UTRN: variants seen among roughly 807,000 people sequenced by gnomAD.
UTRN encodes the protein utrophin.
A neutral mutation model predicts 463.9 loss-of-function variants in UTRN; 283 were observed. The observed-to-expected ratio is 0.61, with a 90% CI of 0.55 to 0.67. The LOEUF (loss-of-function observed/expected upper bound fraction) is 0.67, where lower values mean the gene tolerates loss of function less well. Among genes scored for constraint, UTRN ranks in the 30% least tolerant of loss-of-function variants. The probability of loss-of-function intolerance (pLI) is 0.00; values close to 1 mark genes in which losing one functional copy is unlikely to be tolerated. For synonymous variants in UTRN, 1,442 were observed against 1,431.5 expected (o/e 1.01, Z -0.17); for missense variants, 3,922 against 4,084.3 (o/e 0.96, Z 1.08).
intron 66 of UTRN, among the ~76,000 whole-genome samples, chr6:144,826,198 C>A (rs1051919389): frequency 7.4e-6 from 1 of 135,480 alleles, no homozygotes; most frequent in East Asian, 2.3e-4. Flanking sequence ...ATGCCTGGTT[C>A]TGAAAATAGA....
intron 13 of UTRN, among the ~76,000 whole-genome samples, chr6:144,440,944 C>A (rs1787095137): frequency 6.6e-6 from 1 of 151,996 alleles, no homozygotes; most frequent in African/African-American, 2.4e-5. Flanking sequence ...TTTTTAAAAC[C>A]ATCAGACCTC....
At chr6:144,836,688 C>T (rs1040198354) in intron 71 of UTRN, 147 bp downstream of exon 71, 13 of 1,275,006 alleles carry the variant, frequency 1.0e-5, no homozygotes, top group Non-Finnish European at 1.4e-5. Context: ...TAGAAATTTC[C>T]TTTTACATGT....
At chr6:144,392,636 T>G (rs1251102315) in intron 2 of UTRN, among the ~76,000 whole-genome samples, 1 of 152,172 alleles carries the variant, frequency 6.6e-6, no homozygotes, top group African/African-American at 2.4e-5. Flanking sequence ...GCCTTTCTAA[T>G]TAAATTATAG....
chr6:144,436,903 CTATT>C (rs1786610257), intron 10 of UTRN, among the ~76,000 whole-genome samples: 2 of 137,628 alleles, frequency 1.5e-5, no homozygotes, highest in South Asian at 2.2e-4. Flanking sequence ...TATATATAAT[CTATT>C]TATATATTAT....
intron 54 of UTRN, among the ~76,000 whole-genome samples, chr6:144,739,608 C>T (rs1789825466): frequency 6.6e-6 from 1 of 152,164 alleles, no homozygotes; most frequent in Non-Finnish European, 1.5e-5. Context: ...AAGGGGAAGG[C>T]ATTGGCCTCC....
At chr6:144,557,128 T>G in intron 49 of UTRN, 29 bp from the exon 50 acceptor site, 1 of 1,604,562 alleles carries the variant, frequency 6.2e-7, no homozygotes, top group Non-Finnish European at 8.5e-7. Flanking sequence ...TGACCAAGTC[T>G]AACAAACAGA....
chr6:144,403,112 C>T lies in UTRN; in HGVS notation c.80-11C>T. ...ATACTTTTTCCTTCTCTTTCTTTTT[C>T]CATTCCACAGATGAACACAATGACG... On this transcript the variant is annotated splice_polypyrimidine_tract_variant and intron_variant, in intron 2 of 74. Transcript: ENST00000367545. 6.2e-7 allele frequency: 1 copy of T among 1,612,082 alleles called. No homozygotes were observed. Among genetic ancestry groups the T allele is most frequent in the African/African-American group, 1.3e-5 (1 of 74,988 alleles).
At chr6:144,653,455 A>G (rs1007153170) in intron 51 of UTRN, among the ~76,000 whole-genome samples, 4 of 151,964 alleles carry the variant, frequency 2.6e-5, no homozygotes, top group South Asian at 4.1e-4. Flanking sequence ...ATGTGGTGGC[A>G]GGCGCCTGTA....
chr6:144,535,558 T>C lies in UTRN; in HGVS notation c.6234-2024T>C, dbSNP rs551236330. On this transcript the variant is annotated intron_variant, in intron 43 of 74. Coordinates refer to ENST00000367545, the MANE Select transcript of UTRN (RefSeq NM_007124.3). Reference sequence around the variant, plus strand: ...TTTTGGAAGTGAAAAGAATAATGAATCTCTTCCCCAACAGCTTATATTTTG... The same window carrying C: ...TTTTGGAAGTGAAAAGAATAATGAACCTCTTCCCCAACAGCTTATATTTTG... 2.1e-3 allele frequency among the ~76,000 whole-genome samples: 327 copies of C among 152,310 alleles called. 1 individual carries two copies. Among genetic ancestry groups the C allele is most frequent in the African/African-American group, 7.4e-3 (308 of 41,548 alleles).
chr6:144,816,657 C>T (rs202136544), intron 65 of UTRN, among the ~76,000 whole-genome samples: 2 of 150,554 alleles, frequency 1.3e-5, no homozygotes, highest in African/African-American at 2.4e-5. Flanking sequence ...TTATACCAAA[C>T]GTGTTATATA....
intron 39 of UTRN, among the ~76,000 whole-genome samples, chr6:144,520,403 T>C (rs1009971811): frequency 1.3e-5 from 2 of 152,250 alleles, no homozygotes; most frequent in African/African-American, 2.4e-5. Flanking sequence ...CATTCTTTTA[T>C]ATTTGCTTAA....
intron 2 of UTRN, among the ~76,000 whole-genome samples, chr6:144,317,103 A>T (rs908887995): frequency 1.3e-5 from 2 of 152,244 alleles, no homozygotes; most frequent in Admixed American, 6.5e-5. Context: ...TAAGATTGAC[A>T]TAATTCATAA....
rs770427508 is a variant in UTRN, at chr6:144,557,160, C to T, written c.7138C>T (p.Leu2380=). ...CAGACCTGCACTTGCACCTCAGATA[C>T]TGCTTCAAGAACTGGGTCCTGGAGA... ...LTKQISDNQI[L]LQELGPGDGI... The change falls in exon 50 of 75, where the codon CTG becomes TTG. Residue 2380 remains leucine (L), a synonymous_variant. Transcript: ENST00000367545. 1 of 1,613,358 alleles carries T rather than the reference C, an allele frequency of 6.2e-7. No individual in the cohort carries two copies. The highest frequency in any genetic ancestry group is 2.2e-5 in the East Asian group (1 of 44,840).
At chr6:144,746,926 A>T (rs938387659) in intron 54 of UTRN, among the ~76,000 whole-genome samples, 1 of 152,250 alleles carries the variant, frequency 6.6e-6, no homozygotes, top group African/African-American at 2.4e-5. Flanking sequence ...CACAACTTGT[A>T]GTTCTGCGGT....
At chr6:144,510,852 A>T in intron 34 of UTRN, 92 bp from the exon 35 acceptor site, 1 of 1,143,284 alleles carries the variant, frequency 8.7e-7, no homozygotes, top group Non-Finnish European at 1.2e-6. Context: ...TACTTTGTAT[A>T]TGTGGCAGAA....
At chr6:144,302,956 G>A (rs150472534) in intron 2 of UTRN, among the ~76,000 whole-genome samples, 31 of 152,298 alleles carry the variant, frequency 2.0e-4, no homozygotes, top group Non-Finnish European at 1.0e-4. Context: ...GTCAGATTTC[G>A]AAAGCCCTTT....
chr6:144,751,547 C>T (rs745947955), intron 55 of UTRN, among the ~76,000 whole-genome samples: 35 of 152,234 alleles, frequency 2.3e-4, no homozygotes, highest in Middle Eastern at 3.4e-3. Flanking sequence ...ATACTCAAGT[C>T]CCACATTTCC....
chr6:144,378,491 C>G (rs1425518753), intron 2 of UTRN, among the ~76,000 whole-genome samples: 1 of 152,204 alleles, frequency 6.6e-6, no homozygotes, highest in African/African-American at 2.4e-5. Flanking sequence ...CAGAAGTCCG[C>G]TCTGAAGAGA....
chr6:144,477,533 TAC>T (rs10651559), intron 25 of UTRN, among the ~76,000 whole-genome samples: 2,718 of 146,522 alleles, frequency 0.019, 55 homozygotes, highest in African/African-American at 0.049. Flanking sequence ...TTTCTCTTTA[TAC>T]ACACACACAC....
Sources: gnomAD v4.1 joint callset for allele counts (sites outside exome capture counted in the v4.1 genomes callset) on GRCh38, gnomAD v4.1.1 for gene constraint, MANE v1.5 for transcripts, NCBI Gene and HGNC (gene_info 2026-07-23, HGNC 2026-07-21) for gene names.